The following DOCK1 variants were observed in gnomAD, a reference collection of about 807,000 sequenced individuals.
DOCK1 encodes the protein dedicator of cytokinesis protein 1.
A neutral mutation model predicts 262.7 loss-of-function variants in DOCK1; 138 were observed. That is an observed-to-expected ratio of 0.53 (90% CI 0.46 to 0.61). The LOEUF is 0.61. DOCK1 is among the 20% of genes least tolerant of loss of function. The pLI is 0.00. For missense variants in DOCK1, 1,908 were observed against 2,370.7 expected, an observed-to-expected ratio of 0.80 and a Z score of 4.05; for synonymous variants, 866 against 867.4, an observed-to-expected ratio of 1.00 and a Z score of 0.03.
At chr10:126,940,632 G>C (rs1248549802) in intron 1 of DOCK1, among the ~76,000 whole-genome samples, 3 of 152,126 alleles carry the variant, frequency 2.0e-5, no homozygotes, top group East Asian at 3.9e-4. Flanking sequence ...TCGAACTCCT[G>C]ACCTCAAGTG....
At chr10:127,413,817 C>T (rs2067996007) in intron 43 of DOCK1, among the ~76,000 whole-genome samples, 2 of 152,214 alleles carry the variant, frequency 1.3e-5, no homozygotes, top group Admixed American at 1.3e-4. Flanking sequence ...GAGGCCTTGC[C>T]TGTGTCCTTA....
chr10:127,249,682 C>G (rs1425018992), intron 28 of DOCK1, among the ~76,000 whole-genome samples: 1 of 152,170 alleles, frequency 6.6e-6, no homozygotes, highest in Non-Finnish European at 1.5e-5. Context: ...TATGATGTCA[C>G]TAGGTGATAA....
At chr10:127,273,419 C>G (rs1468230158) in intron 29 of DOCK1, among the ~76,000 whole-genome samples, 1 of 152,230 alleles carries the variant, frequency 6.6e-6, no homozygotes, top group Non-Finnish European at 1.5e-5. Flanking sequence ...CTGCTCCCTG[C>G]TAACTCCAAG....
At chr10:127,258,382 G>T (rs760077775) in intron 29 of DOCK1, among the ~76,000 whole-genome samples, 1 of 152,192 alleles carries the variant, frequency 6.6e-6, no homozygotes, top group Admixed American at 6.5e-5. Flanking sequence ...TGTTACATAA[G>T]TGTAATCATA....
At chr10:127,184,088 C>A (rs558272107) in intron 27 of DOCK1, among the ~76,000 whole-genome samples, 1 of 152,244 alleles carries the variant, frequency 6.6e-6, no homozygotes, top group Non-Finnish European at 1.5e-5. Flanking sequence ...AGCAGTCTGA[C>A]ATGATGTAAT....
intron 47 of DOCK1, among the ~76,000 whole-genome samples, chr10:127,432,665 A>G (rs1425182959): frequency 2.6e-5 from 4 of 152,076 alleles, no homozygotes; most frequent in Non-Finnish European, 5.9e-5. Flanking sequence ...AAGTCCATCT[A>G]GAGATCTTTT....
At chr10:127,042,736 T>C in intron 20 of DOCK1, 22 bp downstream of exon 20, 2 of 1,610,604 alleles carry the variant, frequency 1.2e-6, no homozygotes, top group Middle Eastern at 1.7e-4. Flanking sequence ...TTCCTTCTCA[T>C]ATGCTTGGAT....
chr10:127,300,672 T>G (rs567318936), intron 29 of DOCK1, among the ~76,000 whole-genome samples: 3 of 152,248 alleles, frequency 2.0e-5, no homozygotes, highest in African/African-American at 4.8e-5. Context: ...CTTCGAATAC[T>G]TTCAGGGAGC....
At chr10:127,092,250 G>T (rs1242597741) in intron 23 of DOCK1, among the ~76,000 whole-genome samples, 2 of 152,212 alleles carry the variant, frequency 1.3e-5, no homozygotes, top group Non-Finnish European at 2.9e-5. Flanking sequence ...CACAGAGGAG[G>T]ATGAGCTGGA....
chr10:127,280,303 G>C (rs975679014), intron 29 of DOCK1, among the ~76,000 whole-genome samples: 18 of 152,112 alleles, frequency 1.2e-4, no homozygotes, highest in Admixed American at 9.8e-4. Context: ...CAAAGTGCTG[G>C]GATTACAGGC....
chr10:127,410,049 T>G (rs912978101), intron 42 of DOCK1, among the ~76,000 whole-genome samples: 1 of 152,248 alleles, frequency 6.6e-6, no homozygotes, highest in Admixed American at 6.5e-5. Flanking sequence ...ATCCATGTTC[T>G]GGTGAAAATA....
In DOCK1 at chr10:126,941,374, A is replaced by G. The variant is rs1016283905; in HGVS notation, c.47-29328A>G. Reference sequence around the variant, plus strand: ...TACCTAAATTCTGATGAAATATTTCATTTCATGGTGCTAGTTTTAACTTTA... The same window carrying G: ...TACCTAAATTCTGATGAAATATTTCGTTTCATGGTGCTAGTTTTAACTTTA... On this transcript the variant is annotated intron_variant, in intron 1 of 51. Transcript: ENST00000623213. Among the ~76,000 whole-genome samples, 955 of 150,258 alleles carry G rather than the reference A, an allele frequency of 6.4e-3. 10 individuals are homozygous for G. The highest frequency in any genetic ancestry group is 0.022 in the African/African-American group (905 of 41,518).
chr10:127,035,863 A>C (rs945117476), intron 18 of DOCK1, among the ~76,000 whole-genome samples: 1 of 151,988 alleles, frequency 6.6e-6, no homozygotes, highest in Non-Finnish European at 1.5e-5. Flanking sequence ...TTAGCTGTGC[A>C]TGGTGGCGTG....
chr10:127,379,683 A>G (rs1017719009), intron 35 of DOCK1, among the ~76,000 whole-genome samples: 2 of 152,166 alleles, frequency 1.3e-5, no homozygotes, highest in Non-Finnish European at 2.9e-5. Flanking sequence ...GCTTTAAATC[A>G]TGTTGATGAT....
chr10:127,361,048 A>C (rs1195701097), intron 32 of DOCK1, among the ~76,000 whole-genome samples: 1 of 149,330 alleles, frequency 6.7e-6, no homozygotes, highest in East Asian at 2.1e-4. Flanking sequence ...CATTTTTCTG[A>C]GTTCTTTAAA....
Position 127,316,062 on chromosome 10 carries a change from A to G in DOCK1, c.3045-22944A>G, listed in dbSNP as rs940196716. Among the ~76,000 whole-genome samples the G allele has an allele frequency of 9.8e-5, 15 of 152,324 alleles. No individual in the cohort carries two copies. The East Asian group carries it at 2.9e-3, about 29-fold the overall frequency. ...AAAAAAAGGTGTATATTTAAGGCCT[A>G]CAATGGGATGTGTTGATACACGTAG... On this transcript the variant is annotated intron_variant, in intron 29 of 51. Transcript: ENST00000623213.
chr10:127,052,967 C>T (rs117851767), intron 22 of DOCK1, among the ~76,000 whole-genome samples, 152 bp downstream of exon 22: 2,323 of 151,962 alleles, frequency 0.015, 54 homozygotes, highest in Non-Finnish European at 0.017. Flanking sequence ...CACTGTTGAT[C>T]CTGGGGTGAG....
At chr10:127,387,437 A>G (rs1009111637) in intron 38 of DOCK1, among the ~76,000 whole-genome samples, 3 of 152,176 alleles carry the variant, frequency 2.0e-5, no homozygotes, top group Admixed American at 1.3e-4. Flanking sequence ...ACTTTGTGGT[A>G]GAGGACCACG....
chr10:126,969,097 C>T (rs893517275), intron 1 of DOCK1, among the ~76,000 whole-genome samples: 7 of 152,184 alleles, frequency 4.6e-5, no homozygotes, highest in Non-Finnish European at 8.8e-5. Flanking sequence ...AGGCCTTCAC[C>T]GTTACCTGAG....
Sources: gnomAD v4.1 joint callset for allele counts (sites outside exome capture counted in the v4.1 genomes callset) on GRCh38, gnomAD v4.1.1 for gene constraint, MANE v1.5 for transcripts, NCBI Gene and HGNC (gene_info 2026-07-23, HGNC 2026-07-21) for gene names.